NVL: variants seen among roughly 807,000 people sequenced by gnomAD.
The protein encoded by NVL is nuclear valosin-containing protein-like.
A neutral mutation model predicts 110.2 loss-of-function variants in NVL; 84 were observed. The observed-to-expected ratio is 0.76, with a 90% CI of 0.64 to 0.91. The LOEUF (loss-of-function observed/expected upper bound fraction) is 0.91, where lower values mean the gene tolerates loss of function less well. NVL is among the 40% of genes least tolerant of loss of function. The pLI is 0.00. For missense variants in NVL, 882 were observed against 1,035.9 expected (o/e 0.85, Z 2.04); for synonymous variants, 354 against 361.1 (o/e 0.98, Z 0.22).
chr1:224,264,259 T>G (rs1664268989), intron 18 of NVL, among the ~76,000 whole-genome samples: 1 of 151,592 alleles, frequency 6.6e-6, no homozygotes, highest in Non-Finnish European at 1.5e-5. Flanking sequence ...TTTTTTTTTT[T>G]GTGAGATGGA....
At chr1:224,265,446 A>G (rs1160627223) in intron 18 of NVL, among the ~76,000 whole-genome samples, 2 of 152,056 alleles carry the variant, frequency 1.3e-5, no homozygotes, top group Non-Finnish European at 2.9e-5. Flanking sequence ...AGAGGTTGCA[A>G]GGAGCTGAGA....
chr1:224,228,155 C>G (rs1255826758), intron 22 of NVL: 1 of 152,152 alleles, frequency 6.6e-6, no homozygotes, highest in African/African-American at 2.4e-5. Context: ...TACACATGCT[C>G]CTTTCCACAG....
intron 4 of NVL, among the ~76,000 whole-genome samples, chr1:224,313,527 T>C (rs1669762617): frequency 6.6e-6 from 1 of 152,054 alleles, no homozygotes; most frequent in South Asian, 2.1e-4. Context: ...AGTGGCAACA[T>C]GGGGAAAGCA....
At chr1:224,230,926 G>A (rs1341840925) in intron 22 of NVL, among the ~76,000 whole-genome samples, 1 of 152,076 alleles carries the variant, frequency 6.6e-6, no homozygotes, top group Non-Finnish European at 1.5e-5. Flanking sequence ...GAGGTCAGGA[G>A]ATCGAGACCA....
rs371239743 is a variant in NVL at position 224,283,364 on chromosome 1, G to A, written c.1900-2179C>T. Among the ~76,000 whole-genome samples, 19 of 152,282 alleles carry A rather than the reference G, an allele frequency of 1.2e-4. No individual in the cohort carries two copies. The East Asian group carries it at 3.3e-3, about 26-fold the overall frequency. ...TAGCTGGGCATGGTGGCAGGCACCT[G>A]TAGTCCCAGCTACTCAGGAGGCTGA... On this transcript the variant is annotated intron_variant, in intron 15 of 22. Transcript: ENST00000281701.
chr1:224,245,698 G>A (rs1345846104), intron 19 of NVL, among the ~76,000 whole-genome samples: 1 of 152,094 alleles, frequency 6.6e-6, no homozygotes, highest in Non-Finnish European at 1.5e-5. Flanking sequence ...GCTCACACCT[G>A]TAATCCCAGC....
rs115654394 is a variant in NVL, at chr1:224,301,662, T to C, written c.961-999A>G. 3.2e-3 allele frequency: 1,119 copies of C among 349,834 alleles called. 16 individuals are homozygous for C. The highest frequency in any genetic ancestry group is 0.023 in the African/African-American group (1,011 of 44,122). 21.7% of individuals were successfully genotyped at this position (349,834 alleles called of 1,614,324 possible). A position where few individuals can be genotyped will look rare whatever the true frequency, so the allele number is the denominator to read the frequency against. The stretch of plus-strand genomic sequence containing the variant: ...AAAAAAATAATAAATTAGCCAGGCA[T>C]GCTGATGCATGCCTGCAGTCCCAGT... On this transcript the variant is annotated intron_variant, in intron 9 of 22. Coordinates refer to ENST00000281701, the MANE Select transcript of NVL (RefSeq NM_002533.4).
chr1:224,329,973 A>T, intron 1 of NVL, 98 bp downstream of exon 1: 1 of 1,153,548 alleles, frequency 8.7e-7, no homozygotes, highest in Non-Finnish European at 1.3e-6. Context: ...AAAGAAGACT[A>T]GTTGAGTTCC....
At chr1:224,287,130 G>A (rs1008459212) in intron 14 of NVL, among the ~76,000 whole-genome samples, 26 of 152,134 alleles carry the variant, frequency 1.7e-4, no homozygotes, top group African/African-American at 6.3e-4. Flanking sequence ...AACATGGATG[G>A]AACTAGAGGT....
intron 19 of NVL, 26 bp from the exon 20 acceptor site, chr1:224,236,608 T>TCC (rs777146596): frequency 6.3e-7 from 1 of 1,582,338 alleles, no homozygotes; most frequent in East Asian, 2.2e-5. Context: ...AAATGATTTT[T>TCC]CATTGGAGCT....
intron 16 of NVL, among the ~76,000 whole-genome samples, chr1:224,279,451 C>A (rs549857144): frequency 1.3e-5 from 2 of 152,178 alleles, no homozygotes; most frequent in South Asian, 2.1e-4. Context: ...AAAACAAAAA[C>A]CAAAAAACTC....
intron 20 of NVL, among the ~76,000 whole-genome samples, chr1:224,235,280 G>C (rs1210338591): frequency 1.3e-5 from 2 of 152,160 alleles, no homozygotes; most frequent in African/African-American, 2.4e-5. Flanking sequence ...CAATTTTCCT[G>C]TCTCAGCCTC....
chr1:224,329,634 T>C (rs1169236120), intron 1 of NVL, among the ~76,000 whole-genome samples: 3 of 152,214 alleles, frequency 2.0e-5, no homozygotes, highest in African/African-American at 7.2e-5. Flanking sequence ...GCCAGACCCA[T>C]GTTATCTCGT....
At chr1:224,232,493 A>G (rs1461459933) in intron 21 of NVL, among the ~76,000 whole-genome samples, 1 of 152,164 alleles carries the variant, frequency 6.6e-6, no homozygotes, top group African/African-American at 2.4e-5. Context: ...CCAAGTAGTT[A>G]GGACTATAGG....
chr1:224,242,109 G>A (rs1446117408), intron 19 of NVL, among the ~76,000 whole-genome samples: 2 of 152,054 alleles, frequency 1.3e-5, no homozygotes, highest in Non-Finnish European at 2.9e-5. Context: ...GCAAAGCATA[G>A]AGACAGAAAG....
rs193200521 is a variant in NVL at position 224,285,241 on chromosome 1, C to T, written c.1899+785G>A. 1.1e-4 allele frequency among the ~76,000 whole-genome samples: 17 copies of T among 152,150 alleles called. No individual in the cohort carries two copies. In the East Asian group the frequency reaches 3.3e-3, roughly 29 times the overall value. ...CATGAGGTCAGGAGTTCGAGACCAGCCTAACCAACATGGTGAAACCCCATC... is the reference window on the plus strand; with the variant it reads ...CATGAGGTCAGGAGTTCGAGACCAGTCTAACCAACATGGTGAAACCCCATC... On this transcript the variant is annotated intron_variant, in intron 15 of 22. Coordinates refer to ENST00000281701, the MANE Select transcript of NVL (RefSeq NM_002533.4).
chr1:224,319,203 T>A (rs1160457202), intron 2 of NVL, among the ~76,000 whole-genome samples: 2 of 150,224 alleles, frequency 1.3e-5, no homozygotes. Flanking sequence ...ACAATACAAT[T>A]AGCACAAATA....
At position 224,231,147 on chromosome 1, in the gene NVL, AG is replaced by A; in HGVS notation, c.2526+78del. ...GACTCCGTCTCAAAAAAAAAAAAAAAGAGTTTAATTCATGAGGTCATATCTA... is the reference window on the plus strand; with the variant it reads ...GACTCCGTCTCAAAAAAAAAAAAAAAAGTTTAATTCATGAGGTCATATCTA... On this transcript the variant is annotated intron_variant, in intron 22 of 22. Transcript: ENST00000281701. The A allele has an allele frequency of 4.1e-6, 4 of 968,220 alleles. No individual in the cohort carries two copies. In the African/African-American group the frequency reaches 4.9e-5, roughly 12 times the overall value. The allele number at this position is 968,220 out of a possible 1,614,324, so 60.0% of individuals were successfully genotyped here. A position where few individuals can be genotyped will look rare whatever the true frequency, so the allele number is the denominator to read the frequency against.
chr1:224,330,131 G>A lies in NVL; in HGVS notation c.-4C>T. 6.2e-7 allele frequency: 1 copy of A among 1,613,936 alleles called. No homozygotes were observed. The highest frequency in any genetic ancestry group is 1.1e-5 in the South Asian group (1 of 91,074). ...ACCCTGCAGGTCTGGGCTTCATCGC[G>A]TCGGTCTTCCAAGCCACAGCTCGGA... On this transcript the variant is annotated 5_prime_UTR_variant, in exon 1 of 23. The change creates a new upstream start codon in the 5' untranslated region. Transcript: ENST00000281701.
Sources: gnomAD v4.1 joint callset for allele counts (sites outside exome capture counted in the v4.1 genomes callset) on GRCh38, gnomAD v4.1.1 for gene constraint, MANE v1.5 for transcripts, NCBI Gene and HGNC (gene_info 2026-07-23, HGNC 2026-07-21) for gene names.